Variants in ELF1 observed in about 807,000 individuals in gnomAD.
ELF1 encodes ETS-related transcription factor Elf-1.
Under a neutral mutation model 59.9 loss-of-function variants are expected in ELF1, and 24 were observed. The ratio of observed to expected loss-of-function variants is 0.40; its 90% CI spans 0.29 to 0.56. The LOEUF (loss-of-function observed/expected upper bound fraction) is 0.56. Ranked by LOEUF, ELF1 falls within the 20% of genes least tolerant of loss-of-function variation. The probability of loss-of-function intolerance (pLI) is 0.44; values close to 1 mark genes in which losing one functional copy is unlikely to be tolerated. For missense variants in ELF1, 627 were observed against 742.2 expected (o/e 0.84, Z 1.80); for synonymous variants, 248 against 266.2 (o/e 0.93, Z 0.67).
intron 2 of ELF1, among the ~76,000 whole-genome samples, chr13:40,967,396 T>C (rs891598098): frequency 6.6e-6 from 1 of 152,222 alleles, no homozygotes; most frequent in Non-Finnish European, 1.5e-5. Flanking sequence ...TTCCTACATC[T>C]ATTCAAAATA....
chr13:40,970,941 GC>G (rs1872507147), intron 2 of ELF1, among the ~76,000 whole-genome samples: 1 of 152,106 alleles, frequency 6.6e-6, no homozygotes, highest in Non-Finnish European at 1.5e-5. Flanking sequence ...GATGACGGAA[GC>G]AGCTACTATG....
At chr13:41,002,790 A>G (rs1228214957) in intron 1 of ELF1, among the ~76,000 whole-genome samples, 3 of 152,138 alleles carry the variant, frequency 2.0e-5, no homozygotes, top group Non-Finnish European at 4.4e-5. Flanking sequence ...GCAAATGCAA[A>G]TCATAGTAAT....
intron 1 of ELF1, among the ~76,000 whole-genome samples, chr13:41,056,101 G>A (rs139289599): frequency 3.0e-4 from 45 of 152,216 alleles, no homozygotes; most frequent in African/African-American, 1.0e-3. Flanking sequence ...AACTATCACT[G>A]TAATCTATTT....
intron 1 of ELF1, among the ~76,000 whole-genome samples, chr13:41,025,600 T>C (rs1216610576): frequency 1.3e-5 from 2 of 152,244 alleles, no homozygotes; most frequent in Non-Finnish European, 2.9e-5. Context: ...GACTTCCCAA[T>C]GTCAAGTTAG....
At chr13:40,961,378 T>C (rs1871808890) in intron 2 of ELF1, among the ~76,000 whole-genome samples, 1 of 152,126 alleles carries the variant, frequency 6.6e-6, no homozygotes, top group South Asian at 2.1e-4. Context: ...AAACAGAAAC[T>C]AGGAGGCTCA....
chr13:40,969,181 T>C lies in ELF1; in HGVS notation c.73-10165A>G, dbSNP rs187214810. On this transcript the variant is annotated intron_variant, in intron 2 of 8. Transcript: ENST00000239882. ...ATGAGTCTAGTTCTTAAAAATGTTATACATAAATGTATTTGGGAAAAAGTA... is the reference window on the plus strand; with the variant it reads ...ATGAGTCTAGTTCTTAAAAATGTTACACATAAATGTATTTGGGAAAAAGTA... Among the ~76,000 whole-genome samples, 10 of 152,368 alleles carry C rather than the reference T, an allele frequency of 6.6e-5. No individual in the cohort carries two copies. The East Asian group carries it at 1.7e-3, about 26-fold the overall frequency.
intron 2 of ELF1, among the ~76,000 whole-genome samples, chr13:40,972,098 T>A (rs1175359131): frequency 6.6e-6 from 1 of 152,100 alleles, no homozygotes; most frequent in Admixed American, 6.5e-5. Context: ...TTTTAAAAAA[T>A]CATAAAGGGC....
chr13:40,947,119 C>T (rs1440535864), intron 5 of ELF1, among the ~76,000 whole-genome samples: 4 of 144,342 alleles, frequency 2.8e-5, no homozygotes, highest in Admixed American at 2.1e-4. Flanking sequence ...AACGAGACTC[C>T]ATCTCAAAAA....
intron 8 of ELF1, among the ~76,000 whole-genome samples, chr13:40,938,950 T>C (rs1485920944): frequency 6.6e-6 from 1 of 152,120 alleles, no homozygotes; most frequent in Non-Finnish European, 1.5e-5. Context: ...TTTCCATACT[T>C]TGAAATTTTC....
intron 1 of ELF1, among the ~76,000 whole-genome samples, chr13:41,011,570 A>G (rs1254254691): frequency 1.3e-5 from 2 of 152,016 alleles, no homozygotes; most frequent in African/African-American, 2.4e-5. Flanking sequence ...CAGCTCCCCA[A>G]GTGGCTGGGA....
At position 41,039,618 on chromosome 13, in the gene ELF1, G is replaced by T. The variant is rs74242801; in HGVS notation, c.-229+21220C>A. On this transcript the variant is annotated intron_variant, in intron 1 of 1. Coordinates refer to the ELF1 transcript ENST00000405737. ...TTTAAGTTAAAATAAAGTGTTTAAG[G>T]TAAAGAGATATATGTATTTAGTTCT... Among the ~76,000 whole-genome samples, 50 of 152,202 alleles carry T rather than the reference G, an allele frequency of 3.3e-4. No individual in the cohort carries two copies. In the East Asian group the frequency reaches 9.1e-3, roughly 28 times the overall value.
chr13:40,950,016 A>G (rs768525337), intron 4 of ELF1, 43 bp from the exon 5 acceptor site: 30 of 1,480,454 alleles, frequency 2.0e-5, no homozygotes, highest in East Asian at 2.5e-5. Context: ...ACTGTGTATT[A>G]TAAGTTAAAA....
At chr13:41,045,121 C>A (rs1876786939) in intron 1 of ELF1, among the ~76,000 whole-genome samples, 1 of 151,998 alleles carries the variant, frequency 6.6e-6, no homozygotes, top group East Asian at 1.9e-4. Context: ...GTTTTCATTT[C>A]TGTGGTATCA....
At chr13:41,047,776 G>A (rs988147843) in intron 1 of ELF1, among the ~76,000 whole-genome samples, 4 of 152,198 alleles carry the variant, frequency 2.6e-5, no homozygotes, top group Non-Finnish European at 5.9e-5. Flanking sequence ...CAAACTCTGT[G>A]CTGGGAAAAC....
intron 1 of ELF1, among the ~76,000 whole-genome samples, chr13:41,058,779 C>T (rs1389567312): frequency 1.3e-5 from 2 of 152,168 alleles, no homozygotes; most frequent in African/African-American, 2.4e-5. Flanking sequence ...TCGAGACCAG[C>T]CTGGCCAACA....
intron 2 of ELF1, among the ~76,000 whole-genome samples, chr13:40,968,860 C>CA (rs1872351530): frequency 6.6e-6 from 1 of 151,808 alleles, no homozygotes; most frequent in African/African-American, 2.4e-5. Context: ...GCTGGGAGAA[C>CA]AGGCATGTGC....
At position 41,060,955 on chromosome 13, in the gene ELF1, C is replaced by CTG. The variant is rs1877576008; in HGVS notation, c.-347_-346insCA. The CTG allele has an allele frequency of 3.7e-5, 13 of 353,914 alleles. 1 individual carries two copies. The highest frequency in any genetic ancestry group is 2.6e-4 in the African/African-American group (12 of 45,504). The allele number at this position is 353,914 out of a possible 1,614,324, so 21.9% of individuals were successfully genotyped here. On this transcript the variant is annotated 5_prime_UTR_variant, in exon 1 of 2. Transcript: ENST00000405737. Reference sequence around the variant, plus strand: ...GCCGCCGCCGCCGCCGCTGCTGCTGCCCACACGCTCCCGAGCTAGGGAACA... The same window carrying CTG: ...GCCGCCGCCGCCGCCGCTGCTGCTGCTGCCACACGCTCCCGAGCTAGGGAACA...
chr13:41,008,604 A>T (rs546937535), intron 1 of ELF1, among the ~76,000 whole-genome samples: 1 of 152,172 alleles, frequency 6.6e-6, no homozygotes, highest in Non-Finnish European at 1.5e-5. Context: ...TCAAAGTACA[A>T]GACAGACCTA....
chr13:40,955,806 C>A (rs1355935629), intron 3 of ELF1, among the ~76,000 whole-genome samples: 1 of 132,996 alleles, frequency 7.5e-6, no homozygotes, highest in Admixed American at 7.2e-5. Flanking sequence ...CCAGCCGCCC[C>A]GTCCGGGAGG....
Sources: allele counts gnomAD v4.1 joint callset (sites outside exome capture counted in the v4.1 genomes callset), GRCh38; gene constraint gnomAD v4.1.1; transcripts MANE v1.5; gene names NCBI Gene and HGNC (gene_info 2026-07-23, HGNC 2026-07-21).